Variants in RAB11FIP4 observed in about 807,000 individuals in gnomAD.
RAB11FIP4 encodes the protein RAB11 family interacting protein 4.
A neutral mutation model predicts 74.3 loss-of-function variants in RAB11FIP4; 23 were observed. That is an observed-to-expected ratio of 0.31 (90% CI 0.22 to 0.44). The LOEUF (loss-of-function observed/expected upper bound fraction) is 0.44. Among genes scored for constraint, RAB11FIP4 ranks in the 20% least tolerant of loss-of-function variants. The pLI is 1.00. For missense variants in RAB11FIP4, 630 were observed against 863.9 expected (o/e 0.73, Z 3.39); for synonymous variants, 360 against 359.9 (o/e 1.00, Z 0.00).
rs538141514 is a variant in RAB11FIP4, at chr17:31,533,773, G to A, written c.*2041G>A. On this transcript the variant is annotated 3_prime_UTR_variant, in exon 15 of 15. Transcript: ENST00000621161. ...GGGCGGAAGCAGCTGGCAGCCTGGG[G>A]CGTGCTTCAGGCTCCTCCCTCTAAG... 6.6e-6 allele frequency: 1 copy of A among 152,336 alleles called. No individual in the cohort carries two copies. Among genetic ancestry groups the A allele is most frequent in the African/African-American group, 2.4e-5 (1 of 41,554 alleles). The allele number at this position is 152,336 out of a possible 1,614,324, so 9.4% of individuals were successfully genotyped here.
chr17:31,537,456 G>T lies in RAB11FIP4; in HGVS notation c.*5724G>T. The T allele has an allele frequency of 2.7e-6, 1 of 373,014 alleles. No individual in the cohort carries two copies. The highest frequency in any genetic ancestry group is 4.8e-6 in the Non-Finnish European group (1 of 209,784). 23.1% of individuals were successfully genotyped at this position (373,014 alleles called of 1,614,324 possible). A position where few individuals can be genotyped will look rare whatever the true frequency, so the allele number is the denominator to read the frequency against. On this transcript the variant is annotated 3_prime_UTR_variant, in exon 15 of 15. Coordinates refer to ENST00000621161, the MANE Select transcript of RAB11FIP4 (RefSeq NM_032932.6). ...TAGGAGCCTTGCATTCCAGAAAAGG[G>T]CAACTTTGTGTAAAGCAGCTTCTCC...
chr17:31,435,374 T>A (rs733276), intron 3 of RAB11FIP4, among the ~76,000 whole-genome samples: 88,411 of 151,936 alleles, frequency 0.58, 26,376 homozygotes, highest in African/African-American at 0.7. Context: ...GCTCTGTTTT[T>A]CTGTTATCAT....
At chr17:31,492,976 G>A (rs1278628327) in intron 3 of RAB11FIP4, among the ~76,000 whole-genome samples, 2 of 152,090 alleles carry the variant, frequency 1.3e-5, no homozygotes, top group East Asian at 3.9e-4. Flanking sequence ...GGAGAACATA[G>A]GCAACCAGAA....
chr17:31,496,175 C>T (rs780287560), intron 3 of RAB11FIP4, among the ~76,000 whole-genome samples: 86 of 152,184 alleles, frequency 5.7e-4, no homozygotes, highest in Non-Finnish European at 1.0e-3. Context: ...GTAGTGGTGG[C>T]AGATTATATG....
At chr17:31,486,789 T>C (rs2071907746) in intron 3 of RAB11FIP4, among the ~76,000 whole-genome samples, 1 of 152,214 alleles carries the variant, frequency 6.6e-6, no homozygotes, top group Non-Finnish European at 1.5e-5. Flanking sequence ...GGCCCTCCTG[T>C]ACCTAATGCT....
chr17:31,437,099 A>G (rs1307627198), intron 3 of RAB11FIP4, among the ~76,000 whole-genome samples: 1 of 151,924 alleles, frequency 6.6e-6, no homozygotes, highest in Non-Finnish European at 1.5e-5. Flanking sequence ...TCTGCCCTCC[A>G]TGGAGGTCTG....
chr17:31,407,417 T>C (rs993237744), intron 1 of RAB11FIP4, among the ~76,000 whole-genome samples: 1 of 152,186 alleles, frequency 6.6e-6, no homozygotes, highest in Admixed American at 6.5e-5. Flanking sequence ...TGTTGTTTTG[T>C]TTTGCTTGAA....
chr17:31,461,721 CTT>C (rs143304350), intron 3 of RAB11FIP4, among the ~76,000 whole-genome samples: 29 of 142,738 alleles, frequency 2.0e-4, no homozygotes, highest in Middle Eastern at 3.6e-3. Context: ...TGCACCCAGC[CTT>C]TTTTTTTTTT....
At chr17:31,456,246 G>T (rs2071577694) in intron 3 of RAB11FIP4, among the ~76,000 whole-genome samples, 1 of 151,994 alleles carries the variant, frequency 6.6e-6, no homozygotes. Context: ...TTGAGACAGG[G>T]TCTCACTGTC....
chr17:31,396,831 C>T (rs1173187588), intron 1 of RAB11FIP4, among the ~76,000 whole-genome samples: 1 of 152,188 alleles, frequency 6.6e-6, no homozygotes, highest in East Asian at 1.9e-4. Context: ...CCAAGTAGGC[C>T]TCTCCCATGC....
In RAB11FIP4 at chr17:31,495,811, G is replaced by A. The variant is rs556792514; in HGVS notation, c.337-21840G>A. On this transcript the variant is annotated intron_variant, in intron 3 of 14. Transcript: ENST00000621161. ...GCAAAGAAGGATTTTATAGCAGCAG[G>A]TGTGTGCTCATGTGCTTGTGTGGAG... is the stretch of plus-strand genomic sequence containing the variant. Among the ~76,000 whole-genome samples the A allele has an allele frequency of 1.7e-3, 261 of 152,324 alleles. 1 individual carries two copies. The highest frequency in any genetic ancestry group is 6.0e-3 in the African/African-American group (250 of 41,576).
At chr17:31,447,705 T>G (rs936428104) in intron 3 of RAB11FIP4, among the ~76,000 whole-genome samples, 1 of 152,058 alleles carries the variant, frequency 6.6e-6, no homozygotes, top group Non-Finnish European at 1.5e-5. Flanking sequence ...GTATTTTTAA[T>G]AGAGACGGGG....
At chr17:31,478,212 C>T (rs1157639200) in intron 3 of RAB11FIP4, among the ~76,000 whole-genome samples, 3 of 152,018 alleles carry the variant, frequency 2.0e-5, no homozygotes, top group Non-Finnish European at 4.4e-5. Flanking sequence ...AGGCTGGTCT[C>T]GAACTCTTGA....
chr17:31,473,789 G>A (rs558040040), intron 3 of RAB11FIP4, among the ~76,000 whole-genome samples: 1 of 152,316 alleles, frequency 6.6e-6, no homozygotes, highest in South Asian at 2.1e-4. Context: ...TGGGTGGTAA[G>A]CATGTTAATT....
At chr17:31,472,133 G>C (rs2071743229) in intron 3 of RAB11FIP4, among the ~76,000 whole-genome samples, 1 of 149,250 alleles carries the variant, frequency 6.7e-6, no homozygotes, top group African/African-American at 2.5e-5. Context: ...TTGCACTCCA[G>C]CCTGGGCAAA....
chr17:31,400,908 T>C (rs1325734971), intron 1 of RAB11FIP4, among the ~76,000 whole-genome samples: 1 of 152,032 alleles, frequency 6.6e-6, no homozygotes, highest in Non-Finnish European at 1.5e-5. Context: ...GGCCCTGGGG[T>C]CTCATCTCAT....
chr17:31,429,562 C>T (rs2071286168), intron 1 of RAB11FIP4, among the ~76,000 whole-genome samples: 1 of 152,238 alleles, frequency 6.6e-6, no homozygotes, highest in Non-Finnish European at 1.5e-5. Flanking sequence ...CGTGGTGGAT[C>T]ACGCCTGTAA....
At chr17:31,522,572 G>A in intron 7 of RAB11FIP4, 177 bp downstream of exon 7, 1 of 609,202 alleles carries the variant, frequency 1.6e-6, no homozygotes, top group East Asian at 2.8e-5. Flanking sequence ...GAAAAAGAGG[G>A]GCCAGCTCCT....
At chr17:31,480,631 TA>T (rs1250694470) in intron 3 of RAB11FIP4, among the ~76,000 whole-genome samples, 2 of 151,330 alleles carry the variant, frequency 1.3e-5, no homozygotes, top group Non-Finnish European at 2.9e-5. Context: ...CTACTAAAAA[TA>T]AAAAAATTAG....
Sources: gnomAD v4.1 joint callset for allele counts (sites outside exome capture counted in the v4.1 genomes callset) on GRCh38, gnomAD v4.1.1 for gene constraint, MANE v1.5 for transcripts, NCBI Gene and HGNC (gene_info 2026-07-23, HGNC 2026-07-21) for gene names.